ATP6V0A4: variants seen among roughly 807,000 people sequenced by gnomAD.
The protein encoded by ATP6V0A4 is ATPase H+ transporting V0 subunit a4, also known as V-type proton ATPase 116 kDa subunit a 4.
A neutral mutation model predicts 107.3 loss-of-function variants in ATP6V0A4; 86 were observed. That is an observed-to-expected ratio of 0.80 (90% confidence interval 0.67 to 0.96). ATP6V0A4 has a LOEUF of 0.96. Ranked by LOEUF, ATP6V0A4 falls within the 40% of genes least tolerant of loss-of-function variation. The pLI is 0.00. For missense variants in ATP6V0A4, 908 were observed against 1,045.6 expected (o/e 0.87, Z 1.81); for synonymous variants, 353 against 381.4 (o/e 0.93, Z 0.87).
At chr7:138,733,155 T>A (rs966991301) in intron 16 of ATP6V0A4, 62 bp from the exon 17 acceptor site, 1 of 1,607,412 alleles carries the variant, frequency 6.2e-7, no homozygotes, top group African/African-American at 1.3e-5. Context: ...AGGACTTAAT[T>A]ATTCTCTCAA....
intron 1 of ATP6V0A4, among the ~76,000 whole-genome samples, chr7:138,794,780 T>C (rs1808578768): frequency 6.6e-6 from 1 of 152,158 alleles, no homozygotes; most frequent in South Asian, 2.1e-4. Context: ...GAGTTGTTAG[T>C]TGTAGACCTG....
chr7:138,751,697 G>A lies in ATP6V0A4; in HGVS notation c.1029+928C>T, dbSNP rs77359163. Reference sequence around the variant, plus strand: ...TGTCTAAGGAATGAATGGAGGGAGCGGTGAGAACTCAACGAGGACAGAGTG... The same window carrying A: ...TGTCTAAGGAATGAATGGAGGGAGCAGTGAGAACTCAACGAGGACAGAGTG... On this transcript the variant is annotated intron_variant, in intron 11 of 21. Transcript: ENST00000310018. 9.9e-5 allele frequency among the ~76,000 whole-genome samples: 15 copies of A among 152,058 alleles called. No homozygotes were observed. The South Asian group carries it at 2.1e-3, about 21-fold the overall frequency.
chr7:138,770,848 GA>G (rs927820116), intron 3 of ATP6V0A4, among the ~76,000 whole-genome samples: 30 of 151,944 alleles, frequency 2.0e-4, no homozygotes, highest in African/African-American at 6.7e-4. Flanking sequence ...CTACATAAGA[GA>G]AAAAAAATTC....
intron 7 of ATP6V0A4, 131 bp downstream of exon 7, chr7:138,762,209 G>T: frequency 8.3e-7 from 1 of 1,202,134 alleles, no homozygotes; most frequent in South Asian, 1.3e-5. Flanking sequence ...TGGGTCTATC[G>T]CTTGGCAGAG....
chr7:138,748,879 C>A (rs770491201), intron 12 of ATP6V0A4, among the ~76,000 whole-genome samples: 2 of 152,286 alleles, frequency 1.3e-5, no homozygotes, highest in Non-Finnish European at 2.9e-5. Context: ...CTGACTTCGG[C>A]TGCCTGATGA....
chr7:138,739,655 AAAAC>A (rs746130209), intron 14 of ATP6V0A4, 22 bp from the exon 15 acceptor site: 74 of 1,613,724 alleles, frequency 4.6e-5, no homozygotes, highest in Non-Finnish European at 6.2e-5. Context: ...GAAAAGGAGA[AAAAC>A]AAACAATGAT....
intron 12 of ATP6V0A4, 62 bp downstream of exon 12, chr7:138,749,105 G>C (rs1234760642): frequency 1.9e-6 from 3 of 1,596,418 alleles, no homozygotes; most frequent in African/African-American, 2.7e-5. Flanking sequence ...GTCACCTCAG[G>C]GGTCCATCTT....
At chr7:138,765,085 G>T (rs1191312189) in intron 5 of ATP6V0A4, among the ~76,000 whole-genome samples, 1 of 152,234 alleles carries the variant, frequency 6.6e-6, no homozygotes, top group Middle Eastern at 3.4e-3. Context: ...GTGAGCCACT[G>T]CGCCTGGCAC....
chr7:138,737,763 CT>C (rs35898810), intron 15 of ATP6V0A4, among the ~76,000 whole-genome samples: 66 of 130,868 alleles, frequency 5.0e-4, no homozygotes, highest in Non-Finnish European at 4.3e-4. Flanking sequence ...GGTATTTTTA[CT>C]TTTTTTTTTT....
At chr7:138,738,482 G>A (rs1466931059) in intron 15 of ATP6V0A4, among the ~76,000 whole-genome samples, 1 of 152,154 alleles carries the variant, frequency 6.6e-6, no homozygotes, top group Non-Finnish European at 1.5e-5. Context: ...TTCTCCACCT[G>A]CTTACTAAAC....
intron 15 of ATP6V0A4, among the ~76,000 whole-genome samples, chr7:138,736,817 T>C (rs9769398): frequency 0.6 from 90,161 of 151,432 alleles, 27,435 homozygotes; most frequent in East Asian, 0.92. Context: ...ATGATCCGCA[T>C]GCCTTGGCCT....
At chr7:138,706,889 A>ATTTTT (rs11308035) in intron 21 of ATP6V0A4, 172 bp from the exon 22 acceptor site, 5 of 212,034 alleles carry the variant, frequency 2.4e-5, no homozygotes, top group African/African-American at 8.5e-5. Context: ...AATCCTGAGG[A>ATTTTT]TTTTTTTTTT....
In ATP6V0A4 at chr7:138,706,677, TG is replaced by T. The variant is rs2117166447; in HGVS notation, c.2469del (p.Tyr823Ter). 1 of 1,613,928 alleles carries T rather than the reference TG, an allele frequency of 6.2e-7. No individual in the cohort carries two copies. Among genetic ancestry groups the T allele is most frequent in the East Asian group, 2.2e-5 (1 of 44,856 alleles). ...TGTTTAAAGGAGAATGGAGAAAACT[TG>T]TAACCATCCCCGACATAGAACTTGT... ...FQNKFYVGDG[Y>X]KFSPFSFKHI... On this transcript the variant is annotated frameshift_variant, in exon 22 of 22. Coordinates refer to ENST00000310018, the MANE Select transcript of ATP6V0A4 (RefSeq NM_020632.3). LOFTEE classifies it high-confidence loss of function.
At chr7:138,731,284 A>T (rs147727044) in intron 17 of ATP6V0A4, among the ~76,000 whole-genome samples, 150 of 150,540 alleles carry the variant, frequency 1.0e-3, no homozygotes, top group African/African-American at 3.5e-3. Context: ...CACAACTAGG[A>T]ACTGAACTCA....
At chr7:138,729,225 C>T (rs530153277) in intron 17 of ATP6V0A4, among the ~76,000 whole-genome samples, 1 of 152,218 alleles carries the variant, frequency 6.6e-6, no homozygotes, top group East Asian at 1.9e-4. Flanking sequence ...CCTGGGCCTG[C>T]ATGAAAACTA....
chr7:138,727,426 G>C (rs1428555481), intron 18 of ATP6V0A4, among the ~76,000 whole-genome samples: 1 of 152,194 alleles, frequency 6.6e-6, no homozygotes, highest in Non-Finnish European at 1.5e-5. Context: ...TCTCCCACCA[G>C]TTAACCAAAC....
At position 138,714,559 on chromosome 7, in the gene ATP6V0A4, T is replaced by C. The variant is rs868479672; in HGVS notation, c.2257+1205A>G. The stretch of plus-strand genomic sequence containing the variant: ...TGTCTCTTTTAGATAGATAGATAGA[T>C]AGACAGACAGACAGACAGACAGACA... On this transcript the variant is annotated intron_variant, in intron 20 of 21. Transcript: ENST00000310018. Among the ~76,000 whole-genome samples the C allele has an allele frequency of 1.2e-3, 173 of 148,606 alleles. 1 individual carries two copies. Among genetic ancestry groups the C allele is most frequent in the African/African-American group, 3.9e-3 (151 of 38,754 alleles).
At chr7:138,722,922 G>T (rs1804501445) in intron 18 of ATP6V0A4, among the ~76,000 whole-genome samples, 2 of 151,494 alleles carry the variant, frequency 1.3e-5, no homozygotes, top group Admixed American at 6.6e-5. Flanking sequence ...GTTGGGCATG[G>T]TAGCACATGC....
intron 20 of ATP6V0A4, among the ~76,000 whole-genome samples, chr7:138,715,491 G>A (rs1182790876): frequency 1.3e-5 from 2 of 149,322 alleles, no homozygotes; most frequent in Non-Finnish European, 3.0e-5. Context: ...GTGAGCCACC[G>A]TGCCCGGCCA....
Sources: gnomAD v4.1 joint callset for allele counts (sites outside exome capture counted in the v4.1 genomes callset) on GRCh38, gnomAD v4.1.1 for gene constraint, MANE v1.5 for transcripts, NCBI Gene and HGNC (gene_info 2026-07-23, HGNC 2026-07-21) for gene names.